The following VPS37B variants were observed in gnomAD, a reference collection of about 807,000 sequenced individuals.
VPS37B encodes vacuolar protein sorting-associated protein 37B.
A neutral mutation model predicts 21.2 loss-of-function variants in VPS37B; 11 were observed. The observed-to-expected ratio is 0.52, with a 90% CI of 0.33 to 0.86. The LOEUF (loss-of-function observed/expected upper bound fraction) is 0.86, where lower values mean the gene tolerates loss of function less well. Ranked by LOEUF, VPS37B falls within the 40% of genes least tolerant of loss-of-function variation. VPS37B has a pLI of 0.03. For missense variants in VPS37B, 389 were observed against 374.8 expected, an observed-to-expected ratio of 1.04 and a Z score of -0.31; for synonymous variants, 175 against 159.6, an observed-to-expected ratio of 1.10 and a Z score of -0.73.
At chr12:122,885,451 T>C (rs562509028) in intron 1 of VPS37B, 3 of 152,120 alleles carry the variant, frequency 2.0e-5, no homozygotes, top group African/African-American at 7.2e-5. Context: ...AATATTCTGA[T>C]TTAAAAAATA....
intron 1 of VPS37B, chr12:122,875,987 T>C (rs2034142697): frequency 6.6e-6 from 1 of 152,234 alleles, no homozygotes; most frequent in Non-Finnish European, 1.5e-5. Context: ...GAAAAGTCTT[T>C]TCAGGAAATA....
chr12:122,870,895 T>G lies in VPS37B; in HGVS notation c.278A>C (p.Lys93Thr). Residue 93 changes from lysine to threonine, a missense_variant, in exon 2 of 4, where the codon AAA becomes ACA. Transcript: ENST00000267202. ...GATCACCCTTAAAAAGTTACCTAATTTGGTCTTCTTTATCTGATAGGCTTC... is the reference window on the plus strand; with the variant it reads ...GATCACCCTTAAAAAGTTACCTAATGTGGTCTTCTTTATCTGATAGGCTTC... ...LFEAYQIKKT[K>T]LDRQSSSASL... The G allele has an allele frequency of 6.2e-7, 1 of 1,611,910 alleles. No homozygotes were observed. The highest frequency in any genetic ancestry group is 1.3e-5 in the African/African-American group (1 of 74,820).
In VPS37B at chr12:122,868,461, C is replaced by G. The variant is rs368207843; in HGVS notation, c.366+19G>C. 37 of 1,610,318 alleles carry G rather than the reference C, an allele frequency of 2.3e-5. No homozygotes were observed. Among genetic ancestry groups the G allele is most frequent in the South Asian group, 1.4e-4 (13 of 90,390 alleles). ...GCCCAAAGCGCCCCAAGGATTCCAC[C>G]AAGGCTGGTGGGCTTTACCTCAGTG... is the stretch of plus-strand genomic sequence containing the variant. On this transcript the variant is annotated intron_variant, in intron 3 of 3. Transcript: ENST00000267202. The surrounding 1 kb of genome is among the most constrained non-coding windows in gnomAD (Gnocchi z 5.5).
intron 1 of VPS37B, among the ~76,000 whole-genome samples, chr12:122,893,914 G>A (rs1337324741): frequency 1.3e-5 from 2 of 151,744 alleles, no homozygotes; most frequent in Non-Finnish European, 1.5e-5. Context: ...GAGGAAACAG[G>A]TGAGGTTGTC....
At chr12:122,887,561 A>C (rs2034346923) in intron 1 of VPS37B, 1 of 152,068 alleles carries the variant, frequency 6.6e-6, no homozygotes, top group Non-Finnish European at 1.5e-5. Context: ...CTAACTCTTA[A>C]CTCATTCTCT....
chr12:122,892,950 A>G (rs1047195823), intron 1 of VPS37B, among the ~76,000 whole-genome samples: 1 of 152,176 alleles, frequency 6.6e-6, no homozygotes, highest in Non-Finnish European at 1.5e-5. Context: ...GAGCCCTGCT[A>G]CGCAGGAGGC....
At position 122,868,552 on chromosome 12, in the gene VPS37B, A is replaced by G; in HGVS notation, c.294T>C (p.Ser98=). The G allele has an allele frequency of 6.2e-7, 1 of 1,613,556 alleles. No individual in the cohort carries two copies. Among genetic ancestry groups the G allele is most frequent in the Non-Finnish European group, 8.5e-7 (1 of 1,179,832 alleles). The part of the protein sequence containing the change: ...QIKKTKLDRQ[S]SSASLETLLA... ...ACAGGGTCTCCAAGGAAGCACTGCT[A>G]GACTGTCTGTCTGGAAAAAAAGCAA... The change falls in exon 3 of 4, where the codon TCT becomes TCC. Residue 98 remains serine, a synonymous_variant. Coordinates refer to ENST00000267202, the MANE Select transcript of VPS37B (RefSeq NM_024667.3). This position sits in a 1 kb window ranked among gnomAD's most constrained non-coding sequence, Gnocchi z 5.5.
At position 122,865,681 on chromosome 12, in the gene VPS37B, G is replaced by A. The variant is rs2033884178; in HGVS notation, c.*1435C>T. The A allele has an allele frequency of 6.6e-6, 1 of 152,334 alleles. No homozygotes were observed. Among genetic ancestry groups the A allele is most frequent in the African/African-American group, 2.4e-5 (1 of 41,474 alleles). The allele number at this position is 152,334 out of a possible 1,614,324, so 9.4% of individuals were successfully genotyped here. A position where few individuals can be genotyped will look rare whatever the true frequency, so the allele number is the denominator to read the frequency against. ...ACGGTCACTGAGGACAAAAGGCAGT[G>A]GCCTGGCCCGTGGCCCAGACCCCGC... On this transcript the variant is annotated 3_prime_UTR_variant, in exon 4 of 4. Transcript: ENST00000267202.
chr12:122,895,959 A>G lies in VPS37B; in HGVS notation c.104T>C (p.Met35Thr). Residue 35 changes from methionine (M) to threonine (T), a missense_variant, in exon 1 of 4, where the codon ATG becomes ACG. Coordinates refer to ENST00000267202, the MANE Select transcript of VPS37B (RefSeq NM_024667.3). ...AAGCCCAGCTCGGCTCACCTCCTCC[A>G]TCTTCTGCACCATCTCCGTCAGCTG... ...EGQLTEMVQK[M>T]EETQNVQLNK... The G allele has an allele frequency of 6.2e-7, 1 of 1,611,012 alleles. No individual in the cohort carries two copies.
rs368745161 is a variant in VPS37B, at chr12:122,867,503, C to G, written c.471G>C (p.Glu157Asp). 3 of 1,614,108 alleles carry G rather than the reference C, an allele frequency of 1.9e-6. No individual in the cohort carries two copies. The highest frequency in any genetic ancestry group is 2.5e-6 in the Non-Finnish European group (3 of 1,180,022). ...KLAHMRRVKIEKLQEMVLKGQ... is the reference protein window; with the variant it reads ...KLAHMRRVKIDKLQEMVLKGQ... ...CCTTTAGGACCATCTCCTGGAGCTTCTCGATTTTCACCCGTCGCATGTGGG... is the reference window on the plus strand; with the variant it reads ...CCTTTAGGACCATCTCCTGGAGCTTGTCGATTTTCACCCGTCGCATGTGGG... Residue 157 changes from glutamate (E) to aspartate (D), a missense_variant, in exon 4 of 4, where the codon GAG (glutamate) becomes GAC (aspartate). By Grantham distance (45) the Glu-to-Asp change is conservative. Transcript: ENST00000267202. The surrounding 1 kb of genome is among the most constrained non-coding windows in gnomAD (Gnocchi z 5.5).
At chr12:122,883,149 C>A (rs1169686229) in intron 1 of VPS37B, 2 of 152,216 alleles carry the variant, frequency 1.3e-5, no homozygotes, top group Non-Finnish European at 2.9e-5. Context: ...AAACAACCCA[C>A]TCCACACACA....
chr12:122,888,480 G>A (rs754890258), intron 1 of VPS37B: 20 of 452,090 alleles, frequency 4.4e-5, no homozygotes, highest in Non-Finnish European at 8.9e-5. Context: ...ACCTACGAGT[G>A]GCTGGCACAC....
chr12:122,891,631 G>A (rs533927916), intron 1 of VPS37B, among the ~76,000 whole-genome samples: 1 of 152,268 alleles, frequency 6.6e-6, no homozygotes, highest in South Asian at 2.1e-4. Context: ...ATAAAACATG[G>A]ATAAAAACAA....
intron 1 of VPS37B, chr12:122,884,929 TG>T (rs1286258451): frequency 1.3e-5 from 2 of 152,248 alleles, no homozygotes; most frequent in African/African-American, 4.8e-5. Flanking sequence ...TTATTAAGAC[TG>T]TATCTTTTGA....
chr12:122,888,625 ACGAC>A (rs1322151709), intron 1 of VPS37B: 1 of 455,854 alleles, frequency 2.2e-6, no homozygotes, highest in Non-Finnish European at 4.4e-6. Flanking sequence ...CACTCTGCAT[ACGAC>A]CGACCGGTGA....
Position 122,867,848 on chromosome 12 carries a change from G to T in VPS37B, c.367-241C>A, listed in dbSNP as rs923369995. ...GCGCACCCCACCACCAGCGTGACAG[G>T]CAGAGGAGCTGGCCTTTGGGTGAGG... On this transcript the variant is annotated intron_variant, in intron 3 of 3. Coordinates refer to ENST00000267202, the MANE Select transcript of VPS37B (RefSeq NM_024667.3). This position sits in a 1 kb window ranked among gnomAD's most constrained non-coding sequence, Gnocchi z 5.5. Among the ~76,000 whole-genome samples the T allele has an allele frequency of 7.2e-5, 11 of 152,214 alleles. No homozygotes were observed. The highest frequency in any genetic ancestry group is 2.7e-4 in the African/African-American group (11 of 41,448).
At chr12:122,874,767 GGA>G (rs1187956592) in intron 1 of VPS37B, 1 of 152,000 alleles carries the variant, frequency 6.6e-6, no homozygotes, top group African/African-American at 2.4e-5. Flanking sequence ...TGACCAACAT[GGA>G]GAGACCCCTT....
chr12:122,867,367 C>T lies in VPS37B; in HGVS notation c.607G>A (p.Ala203Thr). ...APEASGPPAVAPRRIPPPPPP... is the reference protein window; with the variant it reads ...APEASGPPAVTPRRIPPPPPP... ...GGTGGGGGGGGGATGCGCCGAGGTG[C>T]AACGGCAGGAGGCCCACTGGCCTCT... The change falls in exon 4 of 4, where the codon GCA (alanine) becomes ACA (threonine). Residue 203 changes from alanine to threonine, a missense_variant. Transcript: ENST00000267202. The surrounding 1 kb of genome is among the most constrained non-coding windows in gnomAD (Gnocchi z 5.5). 6 of 1,588,312 alleles carry T rather than the reference C, an allele frequency of 3.8e-6. No individual in the cohort carries two copies. Among genetic ancestry groups the T allele is most frequent in the Non-Finnish European group, 4.3e-6 (5 of 1,173,558 alleles).
chr12:122,868,554 A>T lies in VPS37B; in HGVS notation c.292T>A (p.Ser98Thr). Residue 98 changes from serine to threonine, a missense_variant, in exon 3 of 4, where the codon TCT becomes ACT. Coordinates refer to ENST00000267202, the MANE Select transcript of VPS37B (RefSeq NM_024667.3). The surrounding 1 kb of genome is among the most constrained non-coding windows in gnomAD (Gnocchi z 5.5). ...QIKKTKLDRQ[S>T]SSASLETLLA... ...AGGGTCTCCAAGGAAGCACTGCTAG[A>T]CTGTCTGTCTGGAAAAAAAGCAAGA... The T allele has an allele frequency of 1.2e-6, 2 of 1,613,534 alleles. No individual in the cohort carries two copies. Among genetic ancestry groups the T allele is most frequent in the Non-Finnish European group, 1.7e-6 (2 of 1,179,822 alleles).
Sources: allele counts gnomAD v4.1 joint callset (sites outside exome capture counted in the v4.1 genomes callset), GRCh38; gene constraint gnomAD v4.1.1; non-coding constraint Gnocchi (gnomAD v3.1); transcripts MANE v1.5; gene names NCBI Gene and HGNC (gene_info 2026-07-23, HGNC 2026-07-21).